Variants in RBPMS2 observed in about 807,000 individuals in gnomAD.
RBPMS2 encodes the protein RNA binding protein, mRNA processing factor 2, also known as RNA-binding protein with multiple splicing 2.
RBPMS2 carries 14 observed loss-of-function variants against 25.7 expected under a neutral mutation model. The ratio of observed to expected loss-of-function variants is 0.55; its 90% CI spans 0.36 to 0.85. RBPMS2 has a LOEUF of 0.85. RBPMS2 is among the 40% of genes least tolerant of loss of function. RBPMS2 has a pLI of 0.01. For missense variants in RBPMS2, 252 were observed against 283.4 expected, an observed-to-expected ratio of 0.89 and a Z score of 0.80; for synonymous variants, 127 against 115.6, an observed-to-expected ratio of 1.10 and a Z score of -0.63.
intron 6 of RBPMS2, among the ~76,000 whole-genome samples, chr15:64,744,788 G>GTTTT (rs2083599476): frequency 1.5e-5 from 1 of 65,154 alleles, no homozygotes; most frequent in Non-Finnish European, 2.8e-5. Flanking sequence ...AAGTTTTTTT[G>GTTTT]GTTTGTTTTG....
chr15:64,769,464 C>T (rs1157298803), intron 1 of RBPMS2, among the ~76,000 whole-genome samples: 2 of 148,468 alleles, frequency 1.3e-5, no homozygotes, highest in Non-Finnish European at 3.0e-5. Context: ...TAAAATCCAT[C>T]CTGGCTAACA....
At position 64,754,482 on chromosome 15, in the gene RBPMS2, C is replaced by T. The variant is rs551934213; in HGVS notation, c.88-2844G>A. 1.4e-3 allele frequency among the ~76,000 whole-genome samples: 213 copies of T among 152,066 alleles called. 5 individuals carry two copies. In the South Asian group the frequency reaches 0.044, roughly 31 times the overall value. On this transcript the variant is annotated intron_variant, in intron 1 of 7. Transcript: ENST00000300069. ...ACAAAATTAGCTGGGTGTGGTGGCG[C>T]ATGCCTATAATCCCAGCTACAAGGG...
chr15:64,752,560 G>C (rs2083692814), intron 1 of RBPMS2, among the ~76,000 whole-genome samples: 1 of 152,070 alleles, frequency 6.6e-6, no homozygotes, highest in African/African-American at 2.4e-5. Flanking sequence ...ATTATGCTGA[G>C]TTTTGAAGAA....
At chr15:64,744,558 CA>C (rs35132500) in intron 6 of RBPMS2, among the ~76,000 whole-genome samples, 28 of 125,852 alleles carry the variant, frequency 2.2e-4, no homozygotes, top group Non-Finnish European at 2.6e-4. Context: ...AACTCTGTCT[CA>C]AAAAAAAAAA....
intron 1 of RBPMS2, among the ~76,000 whole-genome samples, chr15:64,772,243 T>C (rs1323962446): frequency 6.6e-6 from 1 of 152,160 alleles, no homozygotes; most frequent in Non-Finnish European, 1.5e-5. Context: ...AGTTATCCCT[T>C]GAGAATCACT....
At chr15:64,764,430 T>G (rs772047186) in intron 1 of RBPMS2, among the ~76,000 whole-genome samples, 6 of 152,144 alleles carry the variant, frequency 3.9e-5, no homozygotes, top group Admixed American at 6.5e-5. Flanking sequence ...CCTAGCCCAT[T>G]ACTTGACGGA....
intron 1 of RBPMS2, among the ~76,000 whole-genome samples, chr15:64,751,853 C>T (rs985267722): frequency 1.3e-5 from 2 of 152,090 alleles, no homozygotes; most frequent in African/African-American, 2.4e-5. Flanking sequence ...CCAGAGGCAT[C>T]GTGCTGCGTC....
intron 6 of RBPMS2, among the ~76,000 whole-genome samples, chr15:64,741,995 A>G (rs1179911545): frequency 6.6e-6 from 1 of 152,134 alleles, no homozygotes; most frequent in Non-Finnish European, 1.5e-5. Context: ...GAGAAACCCC[A>G]TCTCTACTAA....
In RBPMS2 at chr15:64,775,175, T is replaced by A. The variant is rs1595798766; in HGVS notation, c.87+58A>T. 2.5e-5 allele frequency: 25 copies of A among 984,494 alleles called. No homozygotes were observed. In the East Asian group the frequency reaches 1.1e-3, roughly 42 times the overall value. 61.0% of individuals were successfully genotyped at this position (984,494 alleles called of 1,614,324 possible). Reference sequence around the variant, plus strand: ...GAGGCGCGGCAGGCCCCGCTCGCCCTCTCCCGCGCCCGCCTGGCGTGCGCT... The same window carrying A: ...GAGGCGCGGCAGGCCCCGCTCGCCCACTCCCGCGCCCGCCTGGCGTGCGCT... On this transcript the variant is annotated intron_variant, in intron 1 of 7. Coordinates refer to ENST00000300069, the MANE Select transcript of RBPMS2 (RefSeq NM_194272.3).
At chr15:64,765,180 T>A (rs62015694) in intron 1 of RBPMS2, among the ~76,000 whole-genome samples, 8 of 131,456 alleles carry the variant, frequency 6.1e-5, no homozygotes, top group Admixed American at 2.9e-4. Flanking sequence ...TGAGCCGAGA[T>A]TGCGCCACTG....
At chr15:64,751,437 T>C (rs1444186300) in intron 2 of RBPMS2, 124 bp downstream of exon 2, 3 of 763,948 alleles carry the variant, frequency 3.9e-6, no homozygotes, top group Admixed American at 3.8e-5. Flanking sequence ...GGGCTGGACC[T>C]GCCCCCACAG....
intron 6 of RBPMS2, among the ~76,000 whole-genome samples, chr15:64,746,495 C>G (rs2083619069): frequency 6.6e-6 from 1 of 152,230 alleles, no homozygotes. Flanking sequence ...TTTACAGAAA[C>G]ACAGAGATGG....
intron 6 of RBPMS2, 75 bp from the exon 7 acceptor site, chr15:64,741,317 C>A: frequency 8.4e-7 from 1 of 1,192,742 alleles, no homozygotes; most frequent in South Asian, 1.3e-5. Context: ...CCATGGCCAT[C>A]GGTGTCCCCG....
chr15:64,753,558 ACT>A (rs1475544879), intron 1 of RBPMS2, among the ~76,000 whole-genome samples: 1 of 152,016 alleles, frequency 6.6e-6, no homozygotes, highest in Non-Finnish European at 1.5e-5. Context: ...CGCAAGAATG[ACT>A]CTCAGCCACG....
intron 1 of RBPMS2, among the ~76,000 whole-genome samples, chr15:64,755,803 C>T (rs1218234095): frequency 1.3e-5 from 2 of 151,868 alleles, no homozygotes; most frequent in Non-Finnish European, 2.9e-5. Context: ...GTTCCAAAGC[C>T]GCCCAACACC....
chr15:64,756,299 T>G (rs900936561), intron 1 of RBPMS2, among the ~76,000 whole-genome samples: 6 of 152,240 alleles, frequency 3.9e-5, no homozygotes, highest in African/African-American at 1.4e-4. Context: ...GTGGATCACT[T>G]GCGGTCAGGA....
intron 1 of RBPMS2, among the ~76,000 whole-genome samples, chr15:64,759,637 T>C (rs368881253): frequency 1.3e-5 from 2 of 152,246 alleles, no homozygotes; most frequent in East Asian, 3.9e-4. Context: ...AATCCAGGCT[T>C]GCGTGGAAAG....
chr15:64,745,517 G>A (rs1567063185), intron 6 of RBPMS2, among the ~76,000 whole-genome samples: 1 of 152,126 alleles, frequency 6.6e-6, no homozygotes, highest in South Asian at 2.1e-4. Context: ...CCAGTTTAAG[G>A]GGGAGAAAAA....
intron 1 of RBPMS2, chr15:64,762,598 C>A (rs1249964190): frequency 4.2e-6 from 2 of 481,546 alleles, no homozygotes; most frequent in Non-Finnish European, 8.4e-6. Flanking sequence ...TGACGAGATT[C>A]CAAACAAAAG....
Sources: allele counts gnomAD v4.1 joint callset (sites outside exome capture counted in the v4.1 genomes callset), GRCh38; gene constraint gnomAD v4.1.1; transcripts MANE v1.5; gene names NCBI Gene and HGNC (gene_info 2026-07-23, HGNC 2026-07-21).